The following KIAA2012 variants were observed in gnomAD, a reference collection of about 807,000 sequenced individuals.
The protein encoded by KIAA2012 is uncharacterized protein KIAA2012.
Under a neutral mutation model 150.6 loss-of-function variants are expected in KIAA2012, and 125 were observed. That is an observed-to-expected ratio of 0.83 (90% CI 0.72 to 0.96). The LOEUF (loss-of-function observed/expected upper bound fraction) is 0.96. KIAA2012 is among the 40% of genes least tolerant of loss of function. The pLI is 0.00. For missense variants in KIAA2012, 1,219 were observed against 1,354.9 expected (o/e 0.90, Z 1.57); for synonymous variants, 462 against 504.7 (o/e 0.92, Z 1.13).
intron 18 of KIAA2012, among the ~76,000 whole-genome samples, chr2:202,189,354 T>C (rs536242371): frequency 2.6e-5 from 4 of 151,642 alleles, no homozygotes; most frequent in South Asian, 4.2e-4. Context: ...TGCAGTGGCA[T>C]GATCTCGGCT....
intron 2 of KIAA2012, among the ~76,000 whole-genome samples, chr2:202,077,692 C>G (rs1689356698): frequency 6.6e-6 from 1 of 152,154 alleles, no homozygotes; most frequent in African/African-American, 2.4e-5. Flanking sequence ...AATGAACACA[C>G]TGGGCTCAGT....
chr2:202,100,271 A>G (rs1264298761), intron 6 of KIAA2012, 36 bp from the exon 7 acceptor site: 2 of 1,536,004 alleles, frequency 1.3e-6, no homozygotes, highest in South Asian at 2.4e-5. Context: ...CCCTACCTGC[A>G]ATTAATATAT....
intron 21 of KIAA2012, among the ~76,000 whole-genome samples, chr2:202,196,186 C>CTTTTTTTTTTTTTTTT (rs869092899): frequency 1.8e-4 from 14 of 79,704 alleles, no homozygotes; most frequent in African/African-American, 2.4e-4. Context: ...CTTTTCTTTT[C>CTTTTTTTTTTTTTTTT]TTTTTTTTTT....
At chr2:202,193,529 A>T (rs1559234511) in intron 20 of KIAA2012, 26 bp downstream of exon 20, 1 of 1,548,104 alleles carries the variant, frequency 6.5e-7, no homozygotes, top group Non-Finnish European at 8.7e-7. Flanking sequence ...CAAAGAGACT[A>T]CAGCCATGTT....
chr2:202,196,162 A>G (rs1340748796), intron 21 of KIAA2012, among the ~76,000 whole-genome samples: 1 of 134,046 alleles, frequency 7.5e-6, no homozygotes, highest in East Asian at 2.1e-4. Context: ...CTGAGGAAGC[A>G]CCAAGTTTCT....
At chr2:202,199,029 A>G (rs1305862551) in intron 22 of KIAA2012, among the ~76,000 whole-genome samples, 2 of 152,326 alleles carry the variant, frequency 1.3e-5, no homozygotes, top group East Asian at 3.9e-4. Context: ...TTGAGACCAC[A>G]GGCAAACTAT....
rs1178247697 is a variant in KIAA2012 at position 202,187,203 on chromosome 2, AAAG to A, written c.2376+106_2376+108del. On this transcript the variant is annotated intron_variant, in intron 17 of 23. Transcript: ENST00000498697. ...TGCTCACTATATGAGGGCACCCGAT[AAAG>A]GGGATGAGGGGGGCACTGAGGTCCA... 99 of 1,283,576 alleles carry A rather than the reference AAAG, an allele frequency of 7.7e-5. No individual in the cohort carries two copies. The Middle Eastern group carries it at 2.1e-3, about 27-fold the overall frequency. The allele number at this position is 1,283,576 out of a possible 1,614,324, so 79.5% of individuals were successfully genotyped here. A position where few individuals can be genotyped will look rare whatever the true frequency, so the allele number is the denominator to read the frequency against.
intron 13 of KIAA2012, among the ~76,000 whole-genome samples, chr2:202,140,516 G>A (rs1390470991): frequency 6.6e-6 from 1 of 152,108 alleles, no homozygotes; most frequent in Non-Finnish European, 1.5e-5. Context: ...AGTCTAGGGA[G>A]CCCCACCAGC....
At chr2:202,115,411 T>A (rs1690489865) in intron 11 of KIAA2012, 1 of 152,162 alleles carries the variant, frequency 6.6e-6, no homozygotes, top group Admixed American at 6.5e-5. Context: ...CATTCTTTTC[T>A]CTCCAAACTT....
Position 202,073,623 on chromosome 2 carries a change from G to T in KIAA2012, c.-5G>T, listed in dbSNP as rs1377593603. 1 of 1,550,038 alleles carries T rather than the reference G, an allele frequency of 6.5e-7. No individual in the cohort carries two copies. The highest frequency in any genetic ancestry group is 2.0e-5 in the Admixed American group (1 of 50,960). ...GCCCTTGAGAAGGGGTGGTCAGAGGGAAACATGTTCACGCTCTCCCTCCTG... is the reference window on the plus strand; with the variant it reads ...GCCCTTGAGAAGGGGTGGTCAGAGGTAAACATGTTCACGCTCTCCCTCCTG... On this transcript the variant is annotated 5_prime_UTR_variant, in exon 1 of 24. Transcript: ENST00000498697.
chr2:202,198,689 G>A lies in KIAA2012; in HGVS notation c.3407+1670G>A, dbSNP rs140453046. ...TCCTTAGTGAAAGCAACTAATAATC[G>A]TCCCTCTTTAGAACCACCAAAGTTG... On this transcript the variant is annotated intron_variant, in intron 22 of 23. Coordinates refer to ENST00000498697, the MANE Select transcript of KIAA2012 (RefSeq NM_001277372.4). Among the ~76,000 whole-genome samples the A allele has an allele frequency of 4.6e-3, 699 of 152,144 alleles. 8 individuals carry two copies. The highest frequency in any genetic ancestry group is 0.016 in the African/African-American group (655 of 41,516).
intron 15 of KIAA2012, among the ~76,000 whole-genome samples, chr2:202,169,934 C>T (rs1166894023): frequency 6.6e-6 from 1 of 152,172 alleles, no homozygotes; most frequent in East Asian, 1.9e-4. Flanking sequence ...TGGATCATCT[C>T]TAGGGCCCCA....
chr2:202,103,202 G>A (rs1189779260), intron 8 of KIAA2012, 88 bp downstream of exon 8: 17 of 1,236,226 alleles, frequency 1.4e-5, no homozygotes, highest in South Asian at 1.2e-4. Flanking sequence ...CATGGCTGAC[G>A]TTCCCTATGG....
intron 15 of KIAA2012, among the ~76,000 whole-genome samples, chr2:202,166,634 G>A (rs1013017202): frequency 6.6e-6 from 1 of 150,624 alleles, no homozygotes; most frequent in Non-Finnish European, 1.5e-5. Flanking sequence ...TCCAGCCTGG[G>A]CAACAGAACC....
At position 202,160,313 on chromosome 2, in the gene KIAA2012, CT is replaced by C. The variant is rs774846619; in HGVS notation, c.2047-4953del. Among the ~76,000 whole-genome samples the C allele has an allele frequency of 4.0e-3, 487 of 122,176 alleles. 5 individuals carry two copies. The East Asian group carries it at 0.045, about 11-fold the overall frequency. The allele number at this position is 122,176 out of a possible 152,430, so 80.2% of individuals were successfully genotyped here. A position where few individuals can be genotyped will look rare whatever the true frequency, so the allele number is the denominator to read the frequency against. On this transcript the variant is annotated intron_variant, in intron 14 of 23. Coordinates refer to ENST00000498697, the MANE Select transcript of KIAA2012 (RefSeq NM_001277372.4). ...GATACTTTATGATTTTTCATAAGGT[CT>C]TTTTTTTTTTTTTTTTTGAGATGGA...
rs115086614 is a variant in KIAA2012, at chr2:202,096,722, G to A, written c.686-713G>A. On this transcript the variant is annotated intron_variant, in intron 4 of 23. Coordinates refer to ENST00000498697, the MANE Select transcript of KIAA2012 (RefSeq NM_001277372.4). ...CATGGAGCTGCATGCTGGGAATAAA[G>A]GTATTGCTAAAGCTTGGCTCCAAAC... is the stretch of plus-strand genomic sequence containing the variant. 8.0e-3 allele frequency among the ~76,000 whole-genome samples: 1,212 copies of A among 152,330 alleles called. 14 individuals are homozygous for A. The highest frequency in any genetic ancestry group is 0.01 in the Non-Finnish European group (687 of 68,030).
chr2:202,138,639 G>C, intron 13 of KIAA2012, 131 bp downstream of exon 13: 1 of 607,668 alleles, frequency 1.6e-6, no homozygotes, highest in Non-Finnish European at 2.9e-6. Context: ...AGTAAAATGA[G>C]ACAAGTAGAC....
intron 12 of KIAA2012, chr2:202,136,065 C>T (rs534551226): frequency 1.5e-5 from 6 of 401,458 alleles, no homozygotes; most frequent in South Asian, 5.5e-5. Context: ...TTCTTGGTCT[C>T]GCTGACTTCA....
chr2:202,157,780 G>A (rs116626473), intron 14 of KIAA2012, among the ~76,000 whole-genome samples: 3,120 of 152,204 alleles, frequency 0.02, 107 homozygotes, highest in African/African-American at 0.07. Context: ...CCTCACTGCA[G>A]CCCCCAGCTG....
Sources: gnomAD v4.1 joint callset for allele counts (sites outside exome capture counted in the v4.1 genomes callset) on GRCh38, gnomAD v4.1.1 for gene constraint, MANE v1.5 for transcripts, NCBI Gene and HGNC (gene_info 2026-07-23, HGNC 2026-07-21) for gene names.